ZNF829: variants seen among roughly 807,000 people sequenced by gnomAD.
The protein encoded by ZNF829 is zinc finger protein 829.
Under a neutral mutation model 35.2 loss-of-function variants are expected in ZNF829, and 25 were observed. That is an observed-to-expected ratio of 0.71 (90% CI 0.52 to 0.99). The LOEUF is 0.99. ZNF829 is among the 50% of genes least tolerant of loss of function. The probability of loss-of-function intolerance (pLI) is 0.00; values close to 1 mark genes in which losing one functional copy is unlikely to be tolerated. For synonymous variants in ZNF829, 136 were observed against 163.2 expected, an observed-to-expected ratio of 0.83 and a Z score of 1.27; for missense variants, 417 against 515.3, an observed-to-expected ratio of 0.81 and a Z score of 1.85.
chr19:36,915,323 A>C (rs2073306921), intron 1 of ZNF829, 72 bp from the exon 2 acceptor site: 1 of 1,499,922 alleles, frequency 6.7e-7, no homozygotes, highest in South Asian at 1.3e-5. Flanking sequence ...AATGCCACAT[A>C]CATTTAGGGA....
chr19:36,915,903 C>T (rs778740879), intron 1 of ZNF829, 108 bp downstream of exon 1: 7 of 1,535,978 alleles, frequency 4.6e-6, no homozygotes, highest in Middle Eastern at 1.7e-4. Flanking sequence ...GGGCCCAAGG[C>T]GCCAGCTCCC....
In ZNF829 at chr19:36,908,507, T is replaced by A. The variant is rs1331831004; in HGVS notation, c.97-48A>T. 3.8e-6 allele frequency: 6 copies of A among 1,562,158 alleles called. No homozygotes were observed. The African/African-American group carries it at 5.5e-5, about 14-fold the overall frequency. On this transcript the variant is annotated intron_variant, in intron 3 of 5. Transcript: ENST00000391711. ...ACAATGAAAGGAGAAAAGAAAAAGA[T>A]GGCGGTAGAGGTGGCAAGAAAGGAC...
At chr19:36,908,737 A>T (rs2073239964) in intron 3 of ZNF829, among the ~76,000 whole-genome samples, 2 of 152,216 alleles carry the variant, frequency 1.3e-5, no homozygotes, top group South Asian at 2.1e-4. Flanking sequence ...AACACACCTT[A>T]TAATACATGG....
At chr19:36,914,838 G>A in intron 3 of ZNF829, 127 bp downstream of exon 3, 1 of 808,162 alleles carries the variant, frequency 1.2e-6, no homozygotes, top group South Asian at 1.7e-5. Flanking sequence ...TATTTGAGAA[G>A]AAAATTCAGC....
At chr19:36,915,048 G>A (rs1442147871) in intron 2 of ZNF829, 26 bp from the exon 3 acceptor site, 1 of 1,614,060 alleles carries the variant, frequency 6.2e-7, no homozygotes, top group Non-Finnish European at 8.5e-7. Context: ...ATTGGGAGAG[G>A]GAAGAGTAAC....
chr19:36,891,571 G>A lies in ZNF829; in HGVS notation c.1220C>T (p.Pro407Leu), dbSNP rs1338605631. 1 of 1,612,818 alleles carries A rather than the reference G, an allele frequency of 6.2e-7. No individual in the cohort carries two copies. The highest frequency in any genetic ancestry group is 1.7e-5 in the Admixed American group (1 of 59,844). ...RHQRIHTGEK[P>L]YDCKECGKAF... ...CTTTCCACATTCCTTACAGTCATAGGGTTTCTCACCAGTGTGAATTCTCTG... is the reference window on the plus strand; with the variant it reads ...CTTTCCACATTCCTTACAGTCATAGAGTTTCTCACCAGTGTGAATTCTCTG... The change falls in exon 6 of 6, where the codon CCC becomes CTC. Residue 407 changes from proline to leucine, a missense_variant. Coordinates refer to ENST00000391711, the MANE Select transcript of ZNF829 (RefSeq NM_001037232.4).
intron 3 of ZNF829, among the ~76,000 whole-genome samples, chr19:36,910,030 T>C (rs1297816539): frequency 6.6e-6 from 1 of 151,932 alleles, no homozygotes; most frequent in Non-Finnish European, 1.5e-5. Context: ...GGGAGTAGGA[T>C]TGGGTTAGTG....
chr19:36,893,413 T>C (rs1253750659), intron 5 of ZNF829, among the ~76,000 whole-genome samples: 2 of 152,126 alleles, frequency 1.3e-5, no homozygotes, highest in African/African-American at 4.8e-5. Flanking sequence ...TAGGATGAAA[T>C]GTACTCTATG....
In ZNF829 at chr19:36,914,962, C is replaced by T; in HGVS notation, c.96+3G>A. 1 of 1,614,160 alleles carries T rather than the reference C, an allele frequency of 6.2e-7. No individual in the cohort carries two copies. The highest frequency in any genetic ancestry group is 8.5e-7 in the Non-Finnish European group (1 of 1,180,004). On this transcript the variant is annotated splice_donor_region_variant and intron_variant, in intron 3 of 5. Transcript: ENST00000391711. ...AGAAGAAAAAGAGGAAACCCCAACA[C>T]ACCTTGGATACTGCTTGTAGAAGTT... is the stretch of plus-strand genomic sequence containing the variant.
At chr19:36,901,649 T>C (rs920954526) in intron 5 of ZNF829, 5 of 288,388 alleles carry the variant, frequency 1.7e-5, no homozygotes, top group East Asian at 8.3e-5. Context: ...AAGTGTGTGA[T>C]TGTAGTGCAA....
chr19:36,901,809 G>C (rs2073168218), intron 5 of ZNF829: 1 of 668,636 alleles, frequency 1.5e-6, no homozygotes, highest in Non-Finnish European at 2.8e-6. Context: ...GTGGTGACCT[G>C]AGAATACACC....
At chr19:36,909,795 A>C (rs2073248097) in intron 3 of ZNF829, among the ~76,000 whole-genome samples, 1 of 133,828 alleles carries the variant, frequency 7.5e-6, no homozygotes, top group African/African-American at 3.1e-5. Context: ...CAACAGAGTG[A>C]GACTCTGTCT....
chr19:36,904,494 G>C (rs562335935), intron 5 of ZNF829, among the ~76,000 whole-genome samples: 1 of 152,274 alleles, frequency 6.6e-6, no homozygotes, highest in Non-Finnish European at 1.5e-5. Flanking sequence ...CCACCTCCTG[G>C]GTTCAAGCGA....
chr19:36,899,827 C>A (rs1199740896), intron 5 of ZNF829, among the ~76,000 whole-genome samples: 1 of 150,634 alleles, frequency 6.6e-6, no homozygotes, highest in Non-Finnish European at 1.5e-5. Flanking sequence ...GTAATTATTT[C>A]AATATGTATG....
Position 36,891,909 on chromosome 19 carries a change from T to C in ZNF829, c.882A>G (p.Lys294=). 6.2e-7 allele frequency: 1 copy of C among 1,614,068 alleles called. No individual in the cohort carries two copies. The highest frequency in any genetic ancestry group is 1.3e-5 in the African/African-American group (1 of 75,018). ...TCCCACATTCTTTACATTCATAAGG[T>C]TTCTCACCAGTATGAATTCTCAGAT... is the stretch of plus-strand genomic sequence containing the variant. The part of the protein sequence containing the change: ...FLHLRIHTGE[K]PYECKECGKA... The change falls in exon 6 of 6, where the codon AAA becomes AAG. Residue 294 remains lysine, a synonymous_variant. Transcript: ENST00000391711.
At chr19:36,895,060 C>T (rs905374831) in intron 5 of ZNF829, among the ~76,000 whole-genome samples, 1 of 152,122 alleles carries the variant, frequency 6.6e-6, no homozygotes, top group African/African-American at 2.4e-5. Context: ...CATCAAGTCA[C>T]ATATAAGGGA....
In ZNF829 at chr19:36,890,280, T is replaced by C. The variant is rs1158759730; in HGVS notation, c.*1212A>G. On this transcript the variant is annotated 3_prime_UTR_variant, in exon 6 of 6. Coordinates refer to ENST00000391711, the MANE Select transcript of ZNF829 (RefSeq NM_001037232.4). Reference sequence around the variant, plus strand: ...GTTCTTCAGATGTCTGTTGGGTCCATTTGGTGTAGAGTCCAATTTAAGTCC... The same window carrying C: ...GTTCTTCAGATGTCTGTTGGGTCCACTTGGTGTAGAGTCCAATTTAAGTCC... 6.6e-6 allele frequency: 1 copy of C among 152,256 alleles called. No homozygotes were observed. Among genetic ancestry groups the C allele is most frequent in the Non-Finnish European group, 1.5e-5 (1 of 68,096 alleles). 9.4% of individuals were successfully genotyped at this position (152,256 alleles called of 1,614,324 possible).
chr19:36,891,982 C>T lies in ZNF829; in HGVS notation c.809G>A (p.Cys270Tyr), dbSNP rs1777801717. The T allele has an allele frequency of 6.2e-7, 1 of 1,613,776 alleles. No individual in the cohort carries two copies. The highest frequency in any genetic ancestry group is 1.1e-5 in the South Asian group (1 of 91,078). Reference sequence around the variant, plus strand: ...AGTAAAGGCTTTTCCACATACTTTACATTCATAGGGTTTCTCACCAGTGTG... The same window carrying T: ...AGTAAAGGCTTTTCCACATACTTTATATTCATAGGGTTTCTCACCAGTGTG... ...RIHTGEKPYE[C>Y]KVCGKAFTKS... The change falls in exon 6 of 6, where the codon TGT becomes TAT. Residue 270 changes from cysteine to tyrosine, a missense_variant. Coordinates refer to ENST00000391711, the MANE Select transcript of ZNF829 (RefSeq NM_001037232.4).
intron 3 of ZNF829, among the ~76,000 whole-genome samples, chr19:36,913,673 G>A (rs1380600142): frequency 6.6e-6 from 1 of 152,132 alleles, no homozygotes; most frequent in African/African-American, 2.4e-5. Flanking sequence ...AAGGGGGAGA[G>A]AATGATACGG....
Sources: allele counts gnomAD v4.1 joint callset (sites outside exome capture counted in the v4.1 genomes callset), GRCh38; gene constraint gnomAD v4.1.1; transcripts MANE v1.5; gene names NCBI Gene and HGNC (gene_info 2026-07-23, HGNC 2026-07-21).